The following PLCH2 variants were observed in gnomAD, a reference collection of about 807,000 sequenced individuals.
PLCH2 encodes the protein phospholipase C eta 2.
Under a neutral mutation model 134.7 loss-of-function variants are expected in PLCH2, and 98 were observed. That is an observed-to-expected ratio of 0.73 (90% CI 0.62 to 0.86). The LOEUF is 0.86. Ranked by LOEUF, PLCH2 falls within the 40% of genes least tolerant of loss-of-function variation. PLCH2 has a pLI of 0.00. For missense variants in PLCH2, 1,994 were observed against 1,986.6 expected (o/e 1.00, Z -0.07); for synonymous variants, 974 against 827.5 (o/e 1.18, Z -3.04).
rs1309407322 is a variant in PLCH2 at position 2,497,567 on chromosome 1, G to A, written c.2182G>A (p.Gly728Ser). The A allele has an allele frequency of 4.5e-6, 7 of 1,564,222 alleles. No individual in the cohort carries two copies. Among genetic ancestry groups the A allele is most frequent in the East Asian group, 4.8e-5 (2 of 41,792 alleles). The change falls in exon 16 of 22, where the codon GGT (glycine) becomes AGT (serine). Residue 728 changes from glycine (G) to serine (S), a missense_variant. Around this residue, in one of 2 missense-constraint regions of PLCH2, gnomAD observed 1,094 missense variants for 1,234.3 expected, o/e 0.89. Coordinates refer to ENST00000378486, the MANE Select transcript of PLCH2 (RefSeq NM_014638.4). ...QLNRAKFSAN[G>S]GCGYVLKPGC... is the part of the protein sequence containing the mutation. ...GAACCGAGCCAAGTTCAGCGCCAAC[G>A]GTGGCTGCGGCTACGTACTCAAGCC... is the stretch of plus-strand genomic sequence containing the variant.
chr1:2,474,222 A>T (rs1641492295), upstream of PLCH2, among the ~76,000 whole-genome samples: 1 of 151,426 alleles, frequency 6.6e-6, no homozygotes, highest in Non-Finnish European at 1.5e-5. Flanking sequence ...GCACGTGGGG[A>T]GGGGTTCTTA....
intron 2 of PLCH2, among the ~76,000 whole-genome samples, chr1:2,445,780 A>G (rs1248929283): frequency 6.6e-6 from 1 of 152,178 alleles, no homozygotes; most frequent in Non-Finnish European, 1.5e-5. Context: ...CACGGCACAC[A>G]CGGATTGCCG....
chr1:2,447,082 C>A (rs780268479), intron 2 of PLCH2, among the ~76,000 whole-genome samples: 1 of 152,152 alleles, frequency 6.6e-6, no homozygotes, highest in Non-Finnish European at 1.5e-5. Flanking sequence ...CTTTGGGTGT[C>A]GATTCCGGGG....
intron 2 of PLCH2, among the ~76,000 whole-genome samples, chr1:2,447,596 T>C (rs759014316): frequency 4.6e-5 from 7 of 152,196 alleles, no homozygotes; most frequent in Non-Finnish European, 1.0e-4. Context: ...ACTGAGCTGC[T>C]GACCCTGGAG....
chr1:2,449,430 G>A (rs978334215), intron 2 of PLCH2, among the ~76,000 whole-genome samples: 2 of 152,212 alleles, frequency 1.3e-5, no homozygotes, highest in Non-Finnish European at 2.9e-5. Context: ...AGGTGGCAGA[G>A]GTTGCAGTGA....
chr1:2,505,035 A>T lies in PLCH2; in HGVS notation c.4073A>T (p.Glu1358Val). The change falls in exon 22 of 22, where the codon GAG becomes GTG. Residue 1358 changes from glutamate to valine, a missense_variant. By Grantham distance (121) the Glu-to-Val change is moderately radical. Coordinates refer to ENST00000378486, the MANE Select transcript of PLCH2 (RefSeq NM_014638.4). ...GCCAGCCGGGCCCGCCAGGCCCAGG[A>T]GCGGCAGCAGAGACTGCAGGGCCTG... Reference protein sequence around the residue: ...AIASRARQAQERQQRLQGLGR... With the variant: ...AIASRARQAQVRQQRLQGLGR... 2 of 1,543,802 alleles carry T rather than the reference A, an allele frequency of 1.3e-6. No homozygotes were observed. Among genetic ancestry groups the T allele is most frequent in the Non-Finnish European group, 1.7e-6 (2 of 1,151,700 alleles).
chr1:2,476,951 TG>T (rs1418571864), intron 1 of PLCH2, among the ~76,000 whole-genome samples: 3 of 152,138 alleles, frequency 2.0e-5, no homozygotes, highest in African/African-American at 7.2e-5. Context: ...CTGCAGGGCC[TG>T]GGGGCTGAAC....
intron 20 of PLCH2, chr1:2,501,904 A>C: frequency 2.0e-6 from 1 of 500,952 alleles, no homozygotes; most frequent in Non-Finnish European, 3.5e-6. Flanking sequence ...GATCTGTAGC[A>C]GCTACTGTCC....
intron 21 of PLCH2, chr1:2,503,612 C>T (rs993890386): frequency 5.7e-6 from 4 of 697,774 alleles, no homozygotes; most frequent in Admixed American, 4.0e-5. Context: ...ACGCTGCCTC[C>T]GTAGTTAGGA....
intron 1 of PLCH2, among the ~76,000 whole-genome samples, chr1:2,426,665 G>C (rs1638812829): frequency 6.6e-6 from 1 of 152,242 alleles, no homozygotes. Flanking sequence ...CCTCCATGAA[G>C]CTGGCCCCTG....
At chr1:2,423,007 C>G (rs1169721022), upstream of PLCH2, among the ~76,000 whole-genome samples, 1 of 152,222 alleles carries the variant, frequency 6.6e-6, no homozygotes, top group Non-Finnish European at 1.5e-5. Flanking sequence ...TCACCCCGAT[C>G]TCACGATAAA....
intron 2 of PLCH2, among the ~76,000 whole-genome samples, chr1:2,446,853 G>A (rs1056702004): frequency 2.6e-5 from 4 of 152,206 alleles, no homozygotes; most frequent in Admixed American, 6.5e-5. Flanking sequence ...GCTGGGCTGA[G>A]TCTGGGCTGG....
intron 2 of PLCH2, among the ~76,000 whole-genome samples, chr1:2,440,785 G>A (rs544431199): frequency 5.9e-5 from 9 of 152,248 alleles, no homozygotes; most frequent in Admixed American, 3.9e-4. Flanking sequence ...TCCAATTTGC[G>A]TTTCGGTTTT....
intron 2 of PLCH2, among the ~76,000 whole-genome samples, chr1:2,453,225 C>T (rs751137631): frequency 5.9e-5 from 9 of 152,192 alleles, no homozygotes; most frequent in Non-Finnish European, 1.3e-4. Flanking sequence ...AGCGCCAGTG[C>T]CCCCACTGTG....
At chr1:2,454,330 C>T (rs1456855779) in intron 2 of PLCH2, among the ~76,000 whole-genome samples, 1 of 152,198 alleles carries the variant, frequency 6.6e-6, no homozygotes, top group Non-Finnish European at 1.5e-5. Context: ...AGCCCCGAGA[C>T]AGGGTCTTAG....
At position 2,479,841 on chromosome 1, in the gene PLCH2, G is replaced by A. The variant is rs553303631; in HGVS notation, c.379G>A (p.Gly127Ser). ...CAACTGCTGCTTCAGCATCTACCAC[G>A]GCAGCCACCGCGAGTCGCTGGACCT... ...DPNCCFSIYH[G>S]SHRESLDLVS... Residue 127 changes from glycine (G) to serine (S), a missense_variant, in exon 3 of 22, where the codon GGC becomes AGC. Coordinates refer to ENST00000378486, the MANE Select transcript of PLCH2 (RefSeq NM_014638.4). 2.0e-5 allele frequency: 32 copies of A among 1,609,560 alleles called. No homozygotes were observed. In the East Asian group the frequency reaches 3.6e-4, roughly 18 times the overall value.
the PLCH2 span, among the ~76,000 whole-genome samples, chr1:2,416,700 G>A: frequency 6.6e-6 from 1 of 152,262 alleles, no homozygotes; most frequent in Non-Finnish European, 1.5e-5. Flanking sequence ...GCCTCCTGGA[G>A]CCTCCGTGGG....
At chr1:2,469,182 C>T (rs1480429938) in intron 1 of PLCH2, among the ~76,000 whole-genome samples, 2 of 152,212 alleles carry the variant, frequency 1.3e-5, no homozygotes, top group African/African-American at 2.4e-5. Context: ...AGTCACTGCC[C>T]TGTGCTGGCC....
chr1:2,422,617 T>C (rs1570173806), upstream of PLCH2, among the ~76,000 whole-genome samples: 1 of 152,254 alleles, frequency 6.6e-6, no homozygotes, highest in East Asian at 1.9e-4. Context: ...ACTTTTTGTA[T>C]TGTTACATTA....
Sources: allele counts gnomAD v4.1 joint callset (sites outside exome capture counted in the v4.1 genomes callset), GRCh38; gene constraint gnomAD v4.1.1; regional missense constraint gnomAD v4.1.1; transcripts MANE v1.5; gene names NCBI Gene and HGNC (gene_info 2026-07-23, HGNC 2026-07-21).